The following CD247 variants were observed in gnomAD, a reference collection of about 807,000 sequenced individuals.
The protein encoded by CD247 is T-cell surface glycoprotein CD3 zeta chain.
In CD247, 13 loss-of-function variants were observed where a neutral mutation model predicts 30.0. That is an observed-to-expected ratio of 0.43 (90% CI 0.28 to 0.69). CD247 has a LOEUF of 0.69. CD247 is among the 30% of genes least tolerant of loss of function. The probability of loss-of-function intolerance (pLI) is 0.16; values close to 1 mark genes in which losing one functional copy is unlikely to be tolerated. For missense variants in CD247, 193 were observed against 212.6 expected, an observed-to-expected ratio of 0.91 and a Z score of 0.57; for synonymous variants, 72 against 80.0, an observed-to-expected ratio of 0.90 and a Z score of 0.53.
At chr1:167,455,073 G>A (rs976975258) in intron 1 of CD247, among the ~76,000 whole-genome samples, 1 of 152,222 alleles carries the variant, frequency 6.6e-6, no homozygotes, top group Non-Finnish European at 1.5e-5. Context: ...CCCGCTGCGG[G>A]CCGCCCGCCC....
At chr1:167,445,625 C>T (rs1401955381) in intron 1 of CD247, among the ~76,000 whole-genome samples, 1 of 152,068 alleles carries the variant, frequency 6.6e-6, no homozygotes, top group East Asian at 1.9e-4. Flanking sequence ...AGAGTGCACC[C>T]TGGGGGAGAC....
chr1:167,513,129 T>C (rs1655463630), intron 1 of CD247, among the ~76,000 whole-genome samples: 1 of 152,110 alleles, frequency 6.6e-6, no homozygotes, highest in South Asian at 2.1e-4. Flanking sequence ...AAGGAAATAG[T>C]GAAGAAAATA....
At chr1:167,491,340 G>A (rs561431428) in intron 1 of CD247, among the ~76,000 whole-genome samples, 69 of 152,232 alleles carry the variant, frequency 4.5e-4, no homozygotes, top group African/African-American at 1.5e-3. Flanking sequence ...AGGCCAAGGC[G>A]AGTGGATCAC....
At chr1:167,453,351 C>T (rs148700246) in intron 1 of CD247, among the ~76,000 whole-genome samples, 1,732 of 152,224 alleles carry the variant, frequency 0.011, 11 homozygotes, top group Middle Eastern at 0.051. Context: ...AGAGCCTGGA[C>T]GAGAAGCCAG....
rs545259609 is a variant in CD247 at position 167,461,141 on chromosome 1, G to A, written c.59-20374C>T. Among the ~76,000 whole-genome samples, 14 of 152,330 alleles carry A rather than the reference G, an allele frequency of 9.2e-5. No individual in the cohort carries two copies. In the South Asian group the frequency reaches 1.7e-3, roughly 18 times the overall value. On this transcript the variant is annotated intron_variant, in intron 1 of 7. Transcript: ENST00000362089. ...CTGAGAGGCAGACTGCTGGGCTGCC[G>A]CCTCCCATGGCAGCTTTCTCCCATG... is the stretch of plus-strand genomic sequence containing the variant.
chr1:167,505,462 GCTGC>G (rs775175516), intron 1 of CD247, among the ~76,000 whole-genome samples: 35 of 152,142 alleles, frequency 2.3e-4, no homozygotes, highest in African/African-American at 5.3e-4. Flanking sequence ...TAGCTTTCTT[GCTGC>G]CTGCCTGCCT....
intron 1 of CD247, among the ~76,000 whole-genome samples, chr1:167,476,945 G>A (rs1315916937): frequency 2.6e-5 from 4 of 152,210 alleles, no homozygotes; most frequent in African/African-American, 9.7e-5. Flanking sequence ...CACACGTGTG[G>A]AAGTTAAGGG....
chr1:167,465,310 CT>C (rs67366520), intron 1 of CD247, among the ~76,000 whole-genome samples: 38,644 of 141,928 alleles, frequency 0.27, 6,525 homozygotes, highest in Middle Eastern at 0.43. Flanking sequence ...TTCCACCTTC[CT>C]TTTTTTTTTC....
chr1:167,461,208 C>T (rs1652993588), intron 1 of CD247, among the ~76,000 whole-genome samples: 1 of 152,240 alleles, frequency 6.6e-6, no homozygotes, highest in Non-Finnish European at 1.5e-5. Flanking sequence ...AGCCGGGCCG[C>T]CCCTAGGCAT....
At chr1:167,434,425 A>G in intron 5 of CD247, 1 of 386,148 alleles carries the variant, frequency 2.6e-6, no homozygotes, top group Admixed American at 3.8e-5. Flanking sequence ...CATTTATCTG[A>G]GCAAGTTGTC....
At chr1:167,471,563 C>T (rs531638107) in intron 1 of CD247, among the ~76,000 whole-genome samples, 24 of 152,028 alleles carry the variant, frequency 1.6e-4, no homozygotes, top group Non-Finnish European at 3.1e-4. Flanking sequence ...CTGTGTATTT[C>T]CTATTTTATG....
intron 1 of CD247, among the ~76,000 whole-genome samples, chr1:167,483,508 T>C (rs147205508): frequency 4.6e-5 from 7 of 152,364 alleles, no homozygotes; most frequent in African/African-American, 1.7e-4. Context: ...AGCTGGAATT[T>C]ATTATCATCT....
At position 167,477,557 on chromosome 1, in the gene CD247, C is replaced by T. The variant is rs35989284; in HGVS notation, c.59-36790G>A. ...TGAGACAGGGTCTTACTCTGTCACC[C>T]AGGAGGCTGGAGTGCAGTGGCGCTC... On this transcript the variant is annotated intron_variant, in intron 1 of 7. Coordinates refer to ENST00000362089, the MANE Select transcript of CD247 (RefSeq NM_198053.3). Among the ~76,000 whole-genome samples the T allele has an allele frequency of 9.7e-4, 147 of 152,214 alleles. 3 individuals are homozygous for T. The East Asian group carries it at 0.022, about 23-fold the overall frequency.
intron 6 of CD247, 90 bp downstream of exon 6, chr1:167,433,930 T>C: frequency 3.4e-6 from 4 of 1,169,240 alleles, no homozygotes; most frequent in Non-Finnish European, 2.6e-6. Flanking sequence ...GCAGCTGGGA[T>C]GAGAAGTGGA....
chr1:167,441,927 G>A (rs1356323336), intron 1 of CD247, among the ~76,000 whole-genome samples: 34 of 152,136 alleles, frequency 2.2e-4, no homozygotes, highest in Admixed American at 1.9e-3. Flanking sequence ...CCTGGCCAAC[G>A]TGGTGAAACC....
intron 5 of CD247, chr1:167,434,756 A>T: frequency 2.2e-6 from 1 of 454,338 alleles, no homozygotes; most frequent in Non-Finnish European, 4.4e-6. Context: ...TGGGGAGGGA[A>T]GGGAGATTAC....
At chr1:167,440,319 T>C (rs1319615698) in intron 2 of CD247, 1 of 363,994 alleles carries the variant, frequency 2.7e-6, no homozygotes, top group African/African-American at 2.1e-5. Flanking sequence ...AAGGCTAACA[T>C]GGCCTTCATT....
chr1:167,446,703 G>T (rs1039587275), intron 1 of CD247, among the ~76,000 whole-genome samples: 28 of 152,170 alleles, frequency 1.8e-4, no homozygotes, highest in Admixed American at 6.5e-4. Context: ...GATAAAAACA[G>T]ATAATGGGGG....
At chr1:167,440,555 C>G (rs923353432) in intron 2 of CD247, 109 bp downstream of exon 2, 1 of 747,948 alleles carries the variant, frequency 1.3e-6, no homozygotes, top group African/African-American at 1.7e-5. Context: ...TCCTGGATAC[C>G]AAGCCCCAGG....
Sources: gnomAD v4.1 joint callset for allele counts (sites outside exome capture counted in the v4.1 genomes callset) on GRCh38, gnomAD v4.1.1 for gene constraint, MANE v1.5 for transcripts, NCBI Gene and HGNC (gene_info 2026-07-23, HGNC 2026-07-21) for gene names.